The following CSMD3 variants were observed in gnomAD, a reference collection of about 807,000 sequenced individuals.
CSMD3 encodes CUB and Sushi multiple domains 3, also known as CUB and sushi domain-containing protein 3.
CSMD3 carries 177 observed loss-of-function variants against 435.2 expected under a neutral mutation model. The ratio of observed to expected loss-of-function variants is 0.41; its 90% CI spans 0.36 to 0.46. CSMD3 has a LOEUF of 0.46. CSMD3 is among the 20% of genes least tolerant of loss of function. The pLI is 0.34. For synonymous variants in CSMD3, 1,656 were observed against 1,520.5 expected, an observed-to-expected ratio of 1.09 and a Z score of -2.07; for missense variants, 4,265 against 4,504.6, an observed-to-expected ratio of 0.95 and a Z score of 1.52.
At chr8:112,412,527 A>AT (rs149605512) in intron 32 of CSMD3, among the ~76,000 whole-genome samples, 2,587 of 151,830 alleles carry the variant, frequency 0.017, 24 homozygotes, top group Non-Finnish European at 0.025. Flanking sequence ...AACACTACTC[A>AT]TTTTTTTTCT....
intron 3 of CSMD3, among the ~76,000 whole-genome samples, chr8:113,194,245 T>A (rs1196774129): frequency 6.6e-6 from 1 of 151,238 alleles, no homozygotes; most frequent in East Asian, 1.9e-4. Context: ...CATAGTGAAA[T>A]ATACAAGATG....
At chr8:112,468,194 C>A (rs1818144579) in intron 32 of CSMD3, among the ~76,000 whole-genome samples, 1 of 150,198 alleles carries the variant, frequency 6.7e-6, no homozygotes, top group Admixed American at 6.6e-5. Context: ...GAGGTCTTCC[C>A]TCTGTTTTTA....
chr8:112,568,804 A>G (rs1168651588), intron 24 of CSMD3, among the ~76,000 whole-genome samples: 1 of 152,158 alleles, frequency 6.6e-6, no homozygotes, highest in Non-Finnish European at 1.5e-5. Flanking sequence ...GACACCATTA[A>G]TCATAGAAGC....
At chr8:112,285,956 A>C (rs535528482) in intron 58 of CSMD3, among the ~76,000 whole-genome samples, 12 of 152,062 alleles carry the variant, frequency 7.9e-5, no homozygotes, top group African/African-American at 2.7e-4. Flanking sequence ...TCCTGGCCTC[A>C]AGTGATCCTC....
chr8:112,604,495 T>A (rs1407903549), intron 22 of CSMD3, among the ~76,000 whole-genome samples: 1 of 152,156 alleles, frequency 6.6e-6, no homozygotes, highest in Non-Finnish European at 1.5e-5. Context: ...TACAACGATC[T>A]GATCTTTGAC....
chr8:112,450,788 T>G (rs1205883285), intron 32 of CSMD3, among the ~76,000 whole-genome samples: 1 of 152,210 alleles, frequency 6.6e-6, no homozygotes, highest in African/African-American at 2.4e-5. Context: ...ATCTGGGCAA[T>G]TTCTTACACT....
In CSMD3 at chr8:112,482,007, T is replaced by TA. The variant is rs545753557; in HGVS notation, c.5279-9301dup. 7.9e-3 allele frequency among the ~76,000 whole-genome samples: 1,166 copies of TA among 146,968 alleles called. 8 individuals are homozygous for TA. Among genetic ancestry groups the TA allele is most frequent in the African/African-American group, 0.024 (954 of 40,384 alleles). On this transcript the variant is annotated intron_variant, in intron 31 of 70. Transcript: ENST00000297405. ...TAAATTTCACACTTCTTTTTAATAC[T>TA]AAAAAAAAAAAATTCCATATCAGTG...
intron 61 of CSMD3, among the ~76,000 whole-genome samples, chr8:112,262,876 G>A (rs1816558606): frequency 6.6e-6 from 1 of 152,096 alleles, no homozygotes; most frequent in East Asian, 1.9e-4. Flanking sequence ...AAACCCTGGA[G>A]GGTCCTAAGC....
At chr8:112,876,142 C>T (rs2130120314) in intron 10 of CSMD3, among the ~76,000 whole-genome samples, 1 of 152,164 alleles carries the variant, frequency 6.6e-6, no homozygotes, top group South Asian at 2.1e-4. Context: ...GAAGTTGAAT[C>T]CCTGAATAGA....
At chr8:112,244,653 C>T (rs1054181106) in intron 64 of CSMD3, 80 bp from the exon 65 acceptor site, 6 of 1,028,578 alleles carry the variant, frequency 5.8e-6, no homozygotes, top group Middle Eastern at 2.2e-4. Context: ...CAATATATTT[C>T]AGATATACTT....
chr8:113,316,195 T>C (rs1355681424), intron 1 of CSMD3, among the ~76,000 whole-genome samples: 1 of 152,076 alleles, frequency 6.6e-6, no homozygotes, highest in Admixed American at 6.5e-5. Context: ...CCAGATGTTA[T>C]TATCTTTATC....
chr8:113,409,079 C>CTTTTTTT (rs1218107775), intron 1 of CSMD3, among the ~76,000 whole-genome samples: 187 of 99,074 alleles, frequency 1.9e-3, no homozygotes, highest in Middle Eastern at 6.1e-3. Context: ...TCTTCTTCTT[C>CTTTTTTT]TTTTTTTTTT....
intron 4 of CSMD3, among the ~76,000 whole-genome samples, chr8:113,107,587 T>C (rs915113368): frequency 2.0e-5 from 3 of 152,198 alleles, no homozygotes; most frequent in Non-Finnish European, 4.4e-5. Context: ...TTTCCAACCA[T>C]GTTTCATTGT....
chr8:113,097,322 A>C (rs753264554), intron 5 of CSMD3, among the ~76,000 whole-genome samples: 71 of 152,216 alleles, frequency 4.7e-4, no homozygotes, highest in South Asian at 1.7e-3. Context: ...GGTGCCTGCT[A>C]CATAACAGCA....
intron 23 of CSMD3, among the ~76,000 whole-genome samples, chr8:112,581,989 G>C (rs951082774): frequency 9.2e-5 from 14 of 152,152 alleles, no homozygotes; most frequent in African/African-American, 3.1e-4. Context: ...CAAACGGCTT[G>C]GTGTTAGAGC....
intron 31 of CSMD3, among the ~76,000 whole-genome samples, chr8:112,481,896 CT>C (rs770618251): frequency 6.6e-6 from 1 of 152,068 alleles, no homozygotes; most frequent in African/African-American, 2.4e-5. Context: ...TATGTCTCCC[CT>C]ATAACAACAC....
chr8:112,291,034 A>G (rs1454804300), intron 56 of CSMD3, among the ~76,000 whole-genome samples: 1 of 152,032 alleles, frequency 6.6e-6, no homozygotes, highest in East Asian at 1.9e-4. Flanking sequence ...GATGATGTAT[A>G]TTAACATTTA....
Position 112,713,780 on chromosome 8 carries a change from A to C in CSMD3, c.1973-23730T>G, listed in dbSNP as rs2076663654. On this transcript the variant is annotated intron_variant, in intron 13 of 70. Transcript: ENST00000297405. ...TGGGGACCAATATTCAACATTCTTA[A>C]AAGAAAGGAATTTTCAACCCAGAAT... Among the ~76,000 whole-genome samples the C allele has an allele frequency of 2.0e-5, 3 of 152,142 alleles. No homozygotes were observed. In the South Asian group the frequency reaches 6.2e-4, roughly 32 times the overall value.
At chr8:112,615,240 C>A (rs1314903391) in intron 22 of CSMD3, among the ~76,000 whole-genome samples, 1 of 152,058 alleles carries the variant, frequency 6.6e-6, no homozygotes, top group Non-Finnish European at 1.5e-5. Context: ...AATGCATGAA[C>A]TTGAACTGTC....
Sources: allele counts gnomAD v4.1 joint callset (sites outside exome capture counted in the v4.1 genomes callset), GRCh38; gene constraint gnomAD v4.1.1; transcripts MANE v1.5; gene names NCBI Gene and HGNC (gene_info 2026-07-23, HGNC 2026-07-21).